The following PRKCA variants were observed in gnomAD, a reference collection of about 807,000 sequenced individuals.
PRKCA encodes the protein protein kinase C alpha, also known as protein kinase C alpha type.
In PRKCA, 27 loss-of-function variants were observed where a neutral mutation model predicts 87.0. The observed-to-expected ratio is 0.31, with a 90% CI of 0.23 to 0.43. The LOEUF is 0.43. Among genes scored for constraint, PRKCA ranks in the 20% least tolerant of loss-of-function variants. The pLI is 1.00. For synonymous variants in PRKCA, 329 were observed against 311.1 expected (o/e 1.06, Z -0.61); for missense variants, 518 against 852.3 (o/e 0.61, Z 4.88).
intron 3 of PRKCA, among the ~76,000 whole-genome samples, chr17:66,514,598 G>A (rs749667178): frequency 3.3e-5 from 5 of 152,080 alleles, no homozygotes; most frequent in Admixed American, 1.3e-4. Context: ...TGCGGGACCC[G>A]GCCTCCTCCA....
At chr17:66,336,168 AT>A (rs1201823317) in intron 2 of PRKCA, among the ~76,000 whole-genome samples, 7 of 152,134 alleles carry the variant, frequency 4.6e-5, no homozygotes, top group Non-Finnish European at 7.4e-5. Context: ...TGTTGAATGA[AT>A]TTGTCAAGTA....
chr17:66,705,522 G>A (rs1234094221), intron 8 of PRKCA, among the ~76,000 whole-genome samples: 1 of 152,250 alleles, frequency 6.6e-6, no homozygotes, highest in Admixed American at 6.5e-5. Context: ...CTAGTTGTCT[G>A]TCTAATGAAT....
intron 12 of PRKCA, among the ~76,000 whole-genome samples, chr17:66,742,288 T>C (rs2144235895): frequency 6.6e-6 from 1 of 152,322 alleles, no homozygotes; most frequent in East Asian, 1.9e-4. Flanking sequence ...TCAGACCCCC[T>C]GTGTGGGACA....
intron 14 of PRKCA, chr17:66,777,898 C>T: frequency 1.0e-6 from 1 of 985,366 alleles, no homozygotes. Flanking sequence ...TGGCTTCTCC[C>T]CTCTCCAAGC....
intron 2 of PRKCA, among the ~76,000 whole-genome samples, chr17:66,457,941 A>G (rs1025948872): frequency 2.0e-5 from 3 of 152,258 alleles, no homozygotes; most frequent in African/African-American, 4.8e-5. Flanking sequence ...GCAGACCTCA[A>G]TCTTTACAGA....
Position 66,689,139 on chromosome 17 carries a change from A to G in PRKCA, c.918+92A>G, listed in dbSNP as rs980319244. 2 of 583,582 alleles carry G rather than the reference A, an allele frequency of 3.4e-6. No homozygotes were observed. Among genetic ancestry groups the G allele is most frequent in the African/African-American group, 3.9e-5 (2 of 50,912 alleles). The allele number at this position is 583,582 out of a possible 1,614,324, so 36.2% of individuals were successfully genotyped here. On this transcript the variant is annotated intron_variant, in intron 8 of 16. Coordinates refer to ENST00000413366, the MANE Select transcript of PRKCA (RefSeq NM_002737.3). This position sits in a 1 kb window ranked among gnomAD's most constrained non-coding sequence, Gnocchi z 4.1. ...TGTTGTGGTCACATTTTTGAAAAGC[A>G]AAAAAAAAGTAATCTCAATGTTAAT... is the stretch of plus-strand genomic sequence containing the variant.
intron 8 of PRKCA, among the ~76,000 whole-genome samples, chr17:66,729,854 C>T (rs549782679): frequency 1.4e-5 from 2 of 144,300 alleles, no homozygotes; most frequent in East Asian, 4.4e-4. Context: ...GGCACAATCT[C>T]ACCCACTGCT....
intron 3 of PRKCA, among the ~76,000 whole-genome samples, chr17:66,637,473 A>G (rs968853944): frequency 1.3e-5 from 2 of 152,160 alleles, no homozygotes; most frequent in Non-Finnish European, 2.9e-5. Flanking sequence ...GGATCCTGGC[A>G]AAAGTGGTGG....
intron 3 of PRKCA, among the ~76,000 whole-genome samples, chr17:66,639,841 T>TA (rs1432886276): frequency 6.6e-6 from 1 of 151,526 alleles, no homozygotes; most frequent in Non-Finnish European, 1.5e-5. Flanking sequence ...TACTAAAAAT[T>TA]AAAAAAAATT....
At position 66,311,862 on chromosome 17, in the gene PRKCA, C is replaced by A. The variant is rs1157652558; in HGVS notation, c.205+5735C>A. Among the ~76,000 whole-genome samples, 3 of 152,278 alleles carry A rather than the reference C, an allele frequency of 2.0e-5. No homozygotes were observed. In the South Asian group the frequency reaches 6.2e-4, roughly 32 times the overall value. On this transcript the variant is annotated intron_variant, in intron 2 of 16. Transcript: ENST00000413366. ...AATTTATTCACACATCAATCCTACC[C>A]CCGCCACCAGAAGCTGGGGTTGTAG...
chr17:66,306,014 TACTTGGTCACATA>T (rs2143105563), intron 1 of PRKCA, 69 bp from the exon 2 acceptor site: 4 of 1,278,928 alleles, frequency 3.1e-6, no homozygotes, highest in Middle Eastern at 3.9e-4. Context: ...AGTGGTAGAG[TACTTGGTCACATA>T]ACTTGTTTAA....
chr17:66,348,410 T>C (rs962218466), intron 2 of PRKCA, among the ~76,000 whole-genome samples: 18 of 152,142 alleles, frequency 1.2e-4, no homozygotes, highest in Non-Finnish European at 2.6e-4. Flanking sequence ...ACACCACCAT[T>C]GCTCTTGCAC....
intron 2 of PRKCA, among the ~76,000 whole-genome samples, chr17:66,437,004 C>G (rs1340296731): frequency 1.3e-5 from 2 of 151,932 alleles, no homozygotes; most frequent in Non-Finnish European, 2.9e-5. Flanking sequence ...GATATGGGAA[C>G]CGTGATGGGA....
chr17:66,684,401 A>G (rs893312577), intron 5 of PRKCA, among the ~76,000 whole-genome samples: 1 of 152,180 alleles, frequency 6.6e-6, no homozygotes, highest in Non-Finnish European at 1.5e-5. Context: ...CTTGCCCCAG[A>G]TCCTACACTC....
At chr17:66,444,659 G>T (rs1271078169) in intron 2 of PRKCA, among the ~76,000 whole-genome samples, 1 of 152,150 alleles carries the variant, frequency 6.6e-6, no homozygotes. Flanking sequence ...TTGAGGCTGA[G>T]GTTCAGTGGA....
rs755656393 is a variant in PRKCA, at chr17:66,787,007, G to A, written c.1713+33G>A. 3.5e-6 allele frequency: 5 copies of A among 1,435,644 alleles called. No homozygotes were observed. The African/African-American group carries it at 5.6e-5, about 16-fold the overall frequency. The allele number at this position is 1,435,644 out of a possible 1,614,324, so 88.9% of individuals were successfully genotyped here. ...GATTTGGATACCTTTTGTGATCATG[G>A]ACCAAGAGCTTTGGTAGGAGAAATA... is the stretch of plus-strand genomic sequence containing the variant. On this transcript the variant is annotated intron_variant, in intron 15 of 16. Transcript: ENST00000413366.
At chr17:66,656,654 G>A (rs560990233) in intron 5 of PRKCA, among the ~76,000 whole-genome samples, 1 of 152,282 alleles carries the variant, frequency 6.6e-6, no homozygotes, top group African/African-American at 2.4e-5. Context: ...GAGAGATCTT[G>A]GGGGATCAGG....
intron 2 of PRKCA, among the ~76,000 whole-genome samples, chr17:66,313,417 G>A (rs1184365592): frequency 6.6e-6 from 1 of 152,196 alleles, no homozygotes; most frequent in Non-Finnish European, 1.5e-5. Context: ...TATATAATAA[G>A]TTAACATATG....
intron 2 of PRKCA, among the ~76,000 whole-genome samples, chr17:66,395,260 T>C (rs1027634828): frequency 6.6e-6 from 1 of 152,022 alleles, no homozygotes; most frequent in Admixed American, 6.6e-5. Context: ...AACAGCAGAG[T>C]GGAATGGAGA....
Sources: allele counts gnomAD v4.1 joint callset (sites outside exome capture counted in the v4.1 genomes callset), GRCh38; gene constraint gnomAD v4.1.1; non-coding constraint Gnocchi (gnomAD v3.1); transcripts MANE v1.5; gene names NCBI Gene and HGNC (gene_info 2026-07-23, HGNC 2026-07-21).